RAD51B: variants seen among roughly 807,000 people sequenced by gnomAD.
RAD51B encodes the protein DNA repair protein RAD51 homolog 2.
A neutral mutation model predicts 42.2 loss-of-function variants in RAD51B; 38 were observed. The observed-to-expected ratio is 0.90, with a 90% confidence interval of 0.70 to 1.18. The LOEUF (loss-of-function observed/expected upper bound fraction) is 1.18. Ranked by LOEUF, RAD51B falls within the 50% of genes most tolerant of loss-of-function variation. RAD51B has a pLI of 0.00. For missense variants in RAD51B, 373 were observed against 400.7 expected (o/e 0.93, Z 0.59); for synonymous variants, 154 against 145.2 (o/e 1.06, Z -0.43).
chr14:68,174,763 A>C (rs1189231569), intron 7 of RAD51B, among the ~76,000 whole-genome samples: 2 of 152,168 alleles, frequency 1.3e-5, no homozygotes, highest in African/African-American at 4.8e-5. Flanking sequence ...GGGTCTGCAA[A>C]CCTATTCTGA....
intron 7 of RAD51B, among the ~76,000 whole-genome samples, chr14:67,933,825 G>A (rs1167045880): frequency 6.6e-6 from 1 of 152,160 alleles, no homozygotes; most frequent in East Asian, 1.9e-4. Flanking sequence ...TCTCTAGTTA[G>A]CCACCTTGAA....
At chr14:68,003,842 C>T (rs1265286897) in intron 7 of RAD51B, among the ~76,000 whole-genome samples, 1 of 152,126 alleles carries the variant, frequency 6.6e-6, no homozygotes, top group East Asian at 1.9e-4. Context: ...GTTGAACCAA[C>T]TTTGCATCCC....
chr14:67,927,022 G>A (rs1384221815), intron 7 of RAD51B, among the ~76,000 whole-genome samples: 1 of 152,150 alleles, frequency 6.6e-6, no homozygotes, highest in Non-Finnish European at 1.5e-5. Context: ...ATTTTATACT[G>A]TGATATTATT....
intron 8 of RAD51B, among the ~76,000 whole-genome samples, chr14:68,318,539 A>G (rs2082102627): frequency 1.3e-5 from 2 of 152,222 alleles, no homozygotes; most frequent in African/African-American, 4.8e-5. Flanking sequence ...TTGACTTTCC[A>G]TCAGGAAGGA....
intron 7 of RAD51B, among the ~76,000 whole-genome samples, chr14:68,013,758 A>C (rs1765609719): frequency 1.3e-5 from 2 of 152,196 alleles, no homozygotes; most frequent in African/African-American, 4.8e-5. Flanking sequence ...CATTTCCTGC[A>C]TGCATCATAT....
At chr14:68,518,431 A>T (rs1886315440) in intron 10 of RAD51B, among the ~76,000 whole-genome samples, 1 of 152,078 alleles carries the variant, frequency 6.6e-6, no homozygotes, top group Non-Finnish European at 1.5e-5. Context: ...GGAACTGGAG[A>T]TCTTTCCACA....
chr14:68,480,704 C>G (rs1883110047), downstream of RAD51B, among the ~76,000 whole-genome samples: 2 of 151,782 alleles, frequency 1.3e-5, no homozygotes, highest in South Asian at 4.2e-4. Flanking sequence ...CTGACTAAAT[C>G]TGGCTTTAAG....
intron 10 of RAD51B, among the ~76,000 whole-genome samples, chr14:68,469,514 T>G (rs2086069414): frequency 6.6e-6 from 1 of 152,212 alleles, no homozygotes; most frequent in Non-Finnish European, 1.5e-5. Context: ...CCAAGTTCCT[T>G]GGTAAATATT....
chr14:67,895,219 C>T (rs915843760), intron 7 of RAD51B, among the ~76,000 whole-genome samples: 2 of 152,146 alleles, frequency 1.3e-5, no homozygotes, highest in African/African-American at 4.8e-5. Context: ...TAGTCTTTAG[C>T]GTTACTTTAC....
intron 7 of RAD51B, among the ~76,000 whole-genome samples, chr14:68,143,009 G>A (rs1196168248): frequency 6.6e-6 from 1 of 151,262 alleles, no homozygotes; most frequent in Non-Finnish European, 1.5e-5. Context: ...AAGGCGCGGA[G>A]GGCGAGGGGG....
At chr14:67,968,862 A>G (rs1205612077) in intron 7 of RAD51B, among the ~76,000 whole-genome samples, 5 of 152,114 alleles carry the variant, frequency 3.3e-5, no homozygotes, top group African/African-American at 1.2e-4. Flanking sequence ...CAATGGTACC[A>G]ATTTACTGTA....
intron 7 of RAD51B, among the ~76,000 whole-genome samples, chr14:68,178,395 C>T (rs1185009418): frequency 2.0e-5 from 3 of 152,030 alleles, no homozygotes; most frequent in African/African-American, 4.8e-5. Context: ...TTCTGTCATC[C>T]TTCCCCCATG....
chr14:68,216,601 C>G (rs1459933479), intron 7 of RAD51B, among the ~76,000 whole-genome samples: 2 of 152,200 alleles, frequency 1.3e-5, no homozygotes, highest in African/African-American at 4.8e-5. Flanking sequence ...CTGTCAAAGT[C>G]TTCTTAAAGA....
At chr14:68,461,076 G>A (rs8014510) in intron 9 of RAD51B, among the ~76,000 whole-genome samples, 2,312 of 152,032 alleles carry the variant, frequency 0.015, 64 homozygotes, top group African/African-American at 0.051. Context: ...TTAAATTGAG[G>A]TAACATTAAC....
chr14:68,435,492 G>GTTTT (rs35536205), intron 9 of RAD51B, among the ~76,000 whole-genome samples: 1 of 128,150 alleles, frequency 7.8e-6, no homozygotes, highest in Non-Finnish European at 1.7e-5. Context: ...GTGGTTTTTG[G>GTTTT]TTTTTTTTTT....
intron 10 of RAD51B, chr14:68,594,482 T>G: frequency 2.2e-6 from 3 of 1,367,712 alleles, no homozygotes; most frequent in Non-Finnish European, 2.9e-6. Flanking sequence ...CTCTCTCTCT[T>G]AGAGACAACA....
At chr14:68,680,982 A>C (rs909522356) in intron 11 of RAD51B, among the ~76,000 whole-genome samples, 1 of 152,062 alleles carries the variant, frequency 6.6e-6, no homozygotes, top group Non-Finnish European at 1.5e-5. Context: ...GCAACACATC[A>C]CTTCACAGCT....
intron 7 of RAD51B, among the ~76,000 whole-genome samples, chr14:68,157,023 G>A (rs916713013): frequency 6.6e-6 from 1 of 152,018 alleles, no homozygotes; most frequent in African/African-American, 2.4e-5. Context: ...ATGGTGAAAC[G>A]CTGTCTCTAC....
intron 10 of RAD51B, among the ~76,000 whole-genome samples, chr14:68,582,240 C>T: frequency 6.6e-6 from 1 of 151,996 alleles, no homozygotes; most frequent in Non-Finnish European, 1.5e-5. Context: ...AATGGGAGAA[C>T]ATTTTTACAA....
Sources: gnomAD v4.1 joint callset for allele counts (sites outside exome capture counted in the v4.1 genomes callset) on GRCh38, gnomAD v4.1.1 for gene constraint, MANE v1.5 for transcripts, NCBI Gene and HGNC (gene_info 2026-07-23, HGNC 2026-07-21) for gene names.